Variants in CSMD2 observed in about 807,000 individuals in gnomAD.
CSMD2 encodes the protein CUB and Sushi multiple domains 2.
In CSMD2, 130 loss-of-function variants were observed where a neutral mutation model predicts 398.5. The observed-to-expected ratio is 0.33, with a 90% CI of 0.28 to 0.38. CSMD2 has a LOEUF of 0.38. CSMD2 is among the 10% of genes least tolerant of loss of function. CSMD2 has a pLI of 1.00. For missense variants in CSMD2, 3,829 were observed against 4,764.9 expected (o/e 0.80, Z 5.78); for synonymous variants, 1,828 against 1,908.5 (o/e 0.96, Z 1.10).
chr1:33,714,535 T>C (rs1181223310), intron 21 of CSMD2, 52 bp downstream of exon 21: 2 of 1,582,346 alleles, frequency 1.3e-6, no homozygotes, highest in African/African-American at 1.3e-5. Flanking sequence ...CAATTGACTA[T>C]AATCTGTCCC....
intron 2 of CSMD2, among the ~76,000 whole-genome samples, chr1:34,083,357 GTGA>G (rs1248251328): frequency 6.6e-6 from 1 of 152,180 alleles, no homozygotes; most frequent in Non-Finnish European, 1.5e-5. Flanking sequence ...TGTGTTTTAA[GTGA>G]TGATTTTTTC....
At chr1:33,609,908 C>T (rs559308036) in intron 41 of CSMD2, among the ~76,000 whole-genome samples, 8 of 152,298 alleles carry the variant, frequency 5.3e-5, no homozygotes, top group African/African-American at 1.9e-4. Context: ...AACCTAATCC[C>T]TCATGTGAGG....
intron 57 of CSMD2, among the ~76,000 whole-genome samples, chr1:33,543,159 C>T (rs1178909335): frequency 6.6e-6 from 1 of 152,168 alleles, no homozygotes; most frequent in East Asian, 1.9e-4. Context: ...ATTTTAAACA[C>T]AATTGCTTAA....
chr1:33,828,099 T>A (rs916090455), intron 6 of CSMD2, among the ~76,000 whole-genome samples: 1 of 152,214 alleles, frequency 6.6e-6, no homozygotes, highest in Non-Finnish European at 1.5e-5. Context: ...GAATGCCTGA[T>A]AAAATTCAGT....
chr1:33,830,260 C>T (rs1245144989), intron 6 of CSMD2, among the ~76,000 whole-genome samples: 2 of 152,164 alleles, frequency 1.3e-5, no homozygotes, highest in Non-Finnish European at 2.9e-5. Context: ...GAGGCACCCC[C>T]CAGTAGGGGC....
chr1:34,143,010 G>C (rs756602843), intron 1 of CSMD2, among the ~76,000 whole-genome samples: 1 of 152,152 alleles, frequency 6.6e-6, no homozygotes, highest in Non-Finnish European at 1.5e-5. Context: ...CTGTTATGTG[G>C]TAACAACAGT....
At chr1:33,978,822 A>G (rs1464641349) in intron 3 of CSMD2, among the ~76,000 whole-genome samples, 1 of 152,180 alleles carries the variant, frequency 6.6e-6, no homozygotes, top group Admixed American at 6.5e-5. Flanking sequence ...CATTTATTGC[A>G]TGTCTATGAT....
intron 44 of CSMD2, among the ~76,000 whole-genome samples, chr1:33,589,706 A>T (rs544893913): frequency 1.3e-5 from 2 of 152,330 alleles, no homozygotes; most frequent in South Asian, 2.1e-4. Context: ...CATCCAGTGC[A>T]CGGTGAAACC....
At chr1:33,726,461 TC>T in intron 16 of CSMD2, 85 bp downstream of exon 16, 1 of 1,450,050 alleles carries the variant, frequency 6.9e-7, no homozygotes, top group Non-Finnish European at 9.3e-7. Flanking sequence ...TTGGTACTGG[TC>T]CCCTATCCAC....
At chr1:34,104,664 C>T (rs539558773) in intron 1 of CSMD2, among the ~76,000 whole-genome samples, 3 of 152,306 alleles carry the variant, frequency 2.0e-5, no homozygotes, top group East Asian at 3.9e-4. Flanking sequence ...TCTCACCTGC[C>T]ACACGGAGCA....
intron 3 of CSMD2, among the ~76,000 whole-genome samples, chr1:33,964,401 C>T (rs1209944577): frequency 6.6e-6 from 1 of 152,226 alleles, no homozygotes; most frequent in East Asian, 1.9e-4. Context: ...CTTTGAATCT[C>T]TGCACTCCTA....
chr1:33,614,862 C>T (rs1641283859), intron 39 of CSMD2, among the ~76,000 whole-genome samples: 1 of 152,230 alleles, frequency 6.6e-6, no homozygotes, highest in Non-Finnish European at 1.5e-5. Flanking sequence ...GTTATGGACT[C>T]TTGACCTTGA....
chr1:33,965,916 C>G (rs1489485665), intron 3 of CSMD2, among the ~76,000 whole-genome samples: 1 of 152,164 alleles, frequency 6.6e-6, no homozygotes, highest in African/African-American at 2.4e-5. Flanking sequence ...CAGGCAGAGT[C>G]CCTTCTCAGG....
intron 1 of CSMD2, among the ~76,000 whole-genome samples, chr1:34,090,545 A>C (rs1658439396): frequency 2.1e-5 from 3 of 140,174 alleles, no homozygotes; most frequent in African/African-American, 8.1e-5. Context: ...TCTGTTGCCT[A>C]CCCCCCAACT....
At chr1:33,770,865 C>A (rs1177457630) in intron 13 of CSMD2, among the ~76,000 whole-genome samples, 1 of 152,190 alleles carries the variant, frequency 6.6e-6, no homozygotes, top group Non-Finnish European at 1.5e-5. Context: ...CTTGTGGACA[C>A]CAAGGGCCTG....
intron 21 of CSMD2, among the ~76,000 whole-genome samples, chr1:33,714,322 C>T (rs1167927344): frequency 1.3e-5 from 2 of 152,192 alleles, no homozygotes; most frequent in African/African-American, 2.4e-5. Flanking sequence ...CATGTGAGTG[C>T]CCACTGTGGA....
intron 5 of CSMD2, among the ~76,000 whole-genome samples, chr1:33,876,668 C>T (rs1450311858): frequency 6.6e-6 from 1 of 152,178 alleles, no homozygotes; most frequent in Non-Finnish European, 1.5e-5. Flanking sequence ...AGTAGCAGAA[C>T]TCAGGCATCC....
chr1:33,885,184 A>C (rs1276685666), intron 5 of CSMD2: 1 of 152,222 alleles, frequency 6.6e-6, no homozygotes, highest in African/African-American at 2.4e-5. Context: ...GTGATTCTTA[A>C]GCCCACATTG....
chr1:34,151,331 G>A (rs533287945), intron 1 of CSMD2, among the ~76,000 whole-genome samples: 10 of 152,298 alleles, frequency 6.6e-5, no homozygotes, highest in South Asian at 4.1e-4. Flanking sequence ...CTAGGCAGAC[G>A]GGAGCAGCTA....
Sources: allele counts gnomAD v4.1 joint callset (sites outside exome capture counted in the v4.1 genomes callset), GRCh38; gene constraint gnomAD v4.1.1; transcripts MANE v1.5; gene names NCBI Gene and HGNC (gene_info 2026-07-23, HGNC 2026-07-21).